DYNC1LI2: variants seen among roughly 807,000 people sequenced by gnomAD.
DYNC1LI2 encodes the protein cytoplasmic dynein 1 light intermediate chain 2.
DYNC1LI2 carries 19 observed loss-of-function variants against 57.8 expected under a neutral mutation model. The ratio of observed to expected loss-of-function variants is 0.33; its 90% CI spans 0.23 to 0.48. The LOEUF (loss-of-function observed/expected upper bound fraction) is 0.48, where lower values mean the gene tolerates loss of function less well. DYNC1LI2 is among the 20% of genes least tolerant of loss of function. The pLI, the probability that DYNC1LI2 is intolerant of heterozygous loss-of-function variation, is 0.99. For synonymous variants in DYNC1LI2, 256 were observed against 233.4 expected, an observed-to-expected ratio of 1.10 and a Z score of -0.88; for missense variants, 470 against 604.2, an observed-to-expected ratio of 0.78 and a Z score of 2.33.
chr16:66,729,581 T>G (rs904916633), intron 8 of DYNC1LI2, among the ~76,000 whole-genome samples: 6 of 144,596 alleles, frequency 4.1e-5, no homozygotes, highest in Middle Eastern at 3.4e-3. Flanking sequence ...GTTTTTTTTT[T>G]TTTTTTTTTT....
chr16:66,730,870 T>C (rs1490646030), intron 7 of DYNC1LI2: 1 of 152,232 alleles, frequency 6.6e-6, no homozygotes, highest in African/African-American at 2.4e-5. Flanking sequence ...AGCCACAGCC[T>C]AGGGTTCCCA....
chr16:66,723,698 G>T lies in DYNC1LI2; in HGVS notation c.*24C>A. 6.3e-7 allele frequency: 1 copy of T among 1,585,364 alleles called. No individual in the cohort carries two copies. The highest frequency in any genetic ancestry group is 1.2e-5 in the South Asian group (1 of 86,088). Reference sequence around the variant, plus strand: ...AATATACATAGTTATTTGGTCATTCGACATATGCACTTTTTAAGGAGGTTC... The same window carrying T: ...AATATACATAGTTATTTGGTCATTCTACATATGCACTTTTTAAGGAGGTTC... On this transcript the variant is annotated 3_prime_UTR_variant, in exon 13 of 13. Coordinates refer to ENST00000258198, the MANE Select transcript of DYNC1LI2 (RefSeq NM_006141.3).
chr16:66,734,022 A>G, intron 6 of DYNC1LI2, 196 bp downstream of exon 6: 1 of 548,596 alleles, frequency 1.8e-6, no homozygotes. Flanking sequence ...AAACAAATAA[A>G]TGAGTGATCA....
At position 66,722,145 on chromosome 16, in the gene DYNC1LI2, AC is replaced by A. The variant is rs2017459118; in HGVS notation, c.*1576del. 6.5e-6 allele frequency: 1 copy of A among 152,676 alleles called. No individual in the cohort carries two copies. Among genetic ancestry groups the A allele is most frequent in the Non-Finnish European group, 1.5e-5 (1 of 68,046 alleles). The allele number at this position is 152,676 out of a possible 1,614,324, so 9.5% of individuals were successfully genotyped here. A position where few individuals can be genotyped will look rare whatever the true frequency, so the allele number is the denominator to read the frequency against. On this transcript the variant is annotated 3_prime_UTR_variant, in exon 13 of 13. Coordinates refer to ENST00000258198, the MANE Select transcript of DYNC1LI2 (RefSeq NM_006141.3). ...TCTCCTTAACAGTGTTCAGACCTTT[AC>A]GAAAGCAATTCAAGAAAGTCTTCAA...
intron 10 of DYNC1LI2, 184 bp downstream of exon 10, chr16:66,728,017 G>C: frequency 2.2e-6 from 2 of 922,006 alleles, no homozygotes; most frequent in Non-Finnish European, 3.2e-6. Flanking sequence ...TCCCAGAGTT[G>C]TATTCTTTCA....
chr16:66,740,155 CT>C (rs769812768), intron 4 of DYNC1LI2, among the ~76,000 whole-genome samples: 27 of 152,294 alleles, frequency 1.8e-4, no homozygotes, highest in Admixed American at 7.2e-4. Flanking sequence ...ATAGGGGATG[CT>C]TTCCCTTTCA....
chr16:66,737,660 G>T (rs1473638283), intron 4 of DYNC1LI2, among the ~76,000 whole-genome samples: 1 of 152,148 alleles, frequency 6.6e-6, no homozygotes, highest in African/African-American at 2.4e-5. Context: ...ATCTTTTGGG[G>T]ATCCCAAGTC....
intron 4 of DYNC1LI2, among the ~76,000 whole-genome samples, chr16:66,737,747 C>T (rs2017760740): frequency 1.3e-5 from 2 of 152,166 alleles, no homozygotes; most frequent in African/African-American, 4.8e-5. Context: ...TATTGGCATA[C>T]AATATTCACT....
intron 4 of DYNC1LI2, among the ~76,000 whole-genome samples, chr16:66,741,396 G>A (rs561590041): frequency 1.3e-5 from 2 of 152,244 alleles, no homozygotes; most frequent in East Asian, 1.9e-4. Context: ...GCACACATGC[G>A]GGTGACCAGG....
In DYNC1LI2 at chr16:66,721,792, C is replaced by A. The variant is rs967964044; in HGVS notation, c.*1930G>T. On this transcript the variant is annotated 3_prime_UTR_variant, in exon 13 of 13. Coordinates refer to ENST00000258198, the MANE Select transcript of DYNC1LI2 (RefSeq NM_006141.3). ...AAAATAAAGACAAATTAAAATTTTGCATTAAAATTTAAAATTATACCATAT... is the reference window on the plus strand; with the variant it reads ...AAAATAAAGACAAATTAAAATTTTGAATTAAAATTTAAAATTATACCATAT... 1.3e-5 allele frequency: 2 copies of A among 152,578 alleles called. No homozygotes were observed. Among genetic ancestry groups the A allele is most frequent in the Admixed American group, 1.3e-4 (2 of 15,280 alleles). 9.5% of individuals were successfully genotyped at this position (152,578 alleles called of 1,614,324 possible).
At chr16:66,741,153 T>G (rs1309732857) in intron 4 of DYNC1LI2, among the ~76,000 whole-genome samples, 6 of 152,164 alleles carry the variant, frequency 3.9e-5, no homozygotes, top group Admixed American at 3.3e-4. Flanking sequence ...TCTTAACAGA[T>G]CTCTACAAGG....
Position 66,751,390 on chromosome 16 carries a change from G to T in DYNC1LI2, c.108-44C>A, listed in dbSNP as rs1314898556. On this transcript the variant is annotated intron_variant, in intron 1 of 12. Coordinates refer to ENST00000258198, the MANE Select transcript of DYNC1LI2 (RefSeq NM_006141.3). This position sits in a 1 kb window ranked among gnomAD's most constrained non-coding sequence, Gnocchi z 5.2. Reference sequence around the variant, plus strand: ...GAGTGGTCAGCCCCGGGCCGGGCTGGGATGGCCCGGCTCGCGTCGGCCCCT... The same window carrying T: ...GAGTGGTCAGCCCCGGGCCGGGCTGTGATGGCCCGGCTCGCGTCGGCCCCT... The T allele has an allele frequency of 1.9e-6, 3 of 1,599,650 alleles. No individual in the cohort carries two copies. The highest frequency in any genetic ancestry group is 2.2e-5 in the South Asian group (2 of 89,756).
At position 66,732,417 on chromosome 16, in the gene DYNC1LI2, T is replaced by C; in HGVS notation, c.851A>G (p.Tyr284Cys). Residue 284 changes from tyrosine to cysteine, a missense_variant, in exon 7 of 13, where the codon TAT becomes TGT. Transcript: ENST00000258198. ...VKEEKNLDLL[Y>C]KYIVHKTYGF... is the part of the protein sequence containing the mutation. ...GTATGTTTTATGAACAATATACTTA[T>C]ACAACAAGTCGAGGTTTTTCTCTTC... 3 of 1,613,982 alleles carry C rather than the reference T, an allele frequency of 1.9e-6. No individual in the cohort carries two copies. Among genetic ancestry groups the C allele is most frequent in the Non-Finnish European group, 2.5e-6 (3 of 1,180,006 alleles).
chr16:66,742,411 CAATTAAGAA>C lies in DYNC1LI2; in HGVS notation c.529+18_529+26del, dbSNP rs1409168936. The C allele has an allele frequency of 6.2e-7, 1 of 1,605,560 alleles. No individual in the cohort carries two copies. The highest frequency in any genetic ancestry group is 2.2e-5 in the East Asian group (1 of 44,770). On this transcript the variant is annotated intron_variant, in intron 4 of 12. Coordinates refer to ENST00000258198, the MANE Select transcript of DYNC1LI2 (RefSeq NM_006141.3). Reference sequence around the variant, plus strand: ...CATCTAAAGAGACTCGTGAACTTCCCAATTAAGAAAATTATATTTTACTCACACTTCCGT... The same window carrying C: ...CATCTAAAGAGACTCGTGAACTTCCCAATTATATTTTACTCACACTTCCGT...
chr16:66,732,426 T>C lies in DYNC1LI2; in HGVS notation c.842A>G (p.Asp281Gly). ...ATGAACAATATACTTATACAACAAGTCGAGGTTTTTCTCTTCTTTCACTGA... is the reference window on the plus strand; with the variant it reads ...ATGAACAATATACTTATACAACAAGCCGAGGTTTTTCTCTTCTTTCACTGA... The part of the protein sequence containing the change: ...YTSVKEEKNL[D>G]LLYKYIVHKT... Residue 281 changes from aspartate (D) to glycine (G), a missense_variant, in exon 7 of 13, where the codon GAC becomes GGC. Asp to Gly is a moderately conservative substitution (Grantham distance 94). Transcript: ENST00000258198. The C allele has an allele frequency of 6.2e-7, 1 of 1,613,812 alleles. No homozygotes were observed. Among genetic ancestry groups the C allele is most frequent in the Non-Finnish European group, 8.5e-7 (1 of 1,180,006 alleles).
rs140950142 is a variant in DYNC1LI2, at chr16:66,744,992, A to C, written c.299-2324T>G. Among the ~76,000 whole-genome samples the C allele has an allele frequency of 1.5e-3, 226 of 152,250 alleles. 2 individuals carry two copies. Among genetic ancestry groups the C allele is most frequent in the African/African-American group, 3.1e-3 (129 of 41,550 alleles). On this transcript the variant is annotated intron_variant, in intron 3 of 12. Coordinates refer to ENST00000258198, the MANE Select transcript of DYNC1LI2 (RefSeq NM_006141.3). ...CAGTGGTGCAAGCTCAACTCATTGC[A>C]ATCTCCTACTCTAAGGCTTCGATTC...
chr16:66,750,979 C>A (rs918234361), intron 2 of DYNC1LI2, among the ~76,000 whole-genome samples: 6 of 152,244 alleles, frequency 3.9e-5, no homozygotes, highest in Non-Finnish European at 8.8e-5. Flanking sequence ...CTAGCTTCCC[C>A]TCTCCACGAC....
chr16:66,749,346 T>A (rs1267856075), intron 2 of DYNC1LI2, 33 bp from the exon 3 acceptor site: 2 of 1,605,234 alleles, frequency 1.2e-6, no homozygotes, highest in Non-Finnish European at 1.7e-6. Context: ...AAAGGTGTAC[T>A]GTTTATTCCG....
chr16:66,734,044 A>G, intron 6 of DYNC1LI2, 174 bp downstream of exon 6: 1 of 573,496 alleles, frequency 1.7e-6, no homozygotes, highest in Non-Finnish European at 3.0e-6. Flanking sequence ...AGGTAGACAC[A>G]AGTTAATAAA....
Sources: gnomAD v4.1 joint callset for allele counts (sites outside exome capture counted in the v4.1 genomes callset) on GRCh38, gnomAD v4.1.1 for gene constraint, Gnocchi (gnomAD v3.1) non-coding constraint, MANE v1.5 for transcripts, NCBI Gene and HGNC (gene_info 2026-07-23, HGNC 2026-07-21) for gene names.